The following NRXN3 variants were observed in gnomAD, a reference collection of about 807,000 sequenced individuals.
NRXN3 encodes the protein neurexin III.
In NRXN3, 32 loss-of-function variants were observed where a neutral mutation model predicts 137.6. That is an observed-to-expected ratio of 0.23 (90% CI 0.18 to 0.31). The LOEUF is 0.31. Ranked by LOEUF, NRXN3 falls within the 10% of genes least tolerant of loss-of-function variation. The probability of loss-of-function intolerance (pLI) is 1.00; values close to 1 mark genes in which losing one functional copy is unlikely to be tolerated. For synonymous variants in NRXN3, 798 were observed against 784.5 expected, an observed-to-expected ratio of 1.02 and a Z score of -0.29; for missense variants, 1,574 against 2,062.5, an observed-to-expected ratio of 0.76 and a Z score of 4.59.
chr14:79,595,972 C>T (rs116817756), intron 16 of NRXN3, among the ~76,000 whole-genome samples: 61 of 151,608 alleles, frequency 4.0e-4, no homozygotes, highest in African/African-American at 1.4e-3. Flanking sequence ...TAAAGACAGC[C>T]GGTTTTCCTG....
intron 2 of NRXN3, among the ~76,000 whole-genome samples, chr14:78,256,330 G>C (rs1323758088): frequency 2.0e-5 from 3 of 152,256 alleles, no homozygotes; most frequent in Admixed American, 1.3e-4. Context: ...TGGCAGGAAA[G>C]CCGAAGGAAT....
chr14:78,862,271 A>G (rs2950226), intron 10 of NRXN3, among the ~76,000 whole-genome samples: 5,273 of 148,996 alleles, frequency 0.035, 178 homozygotes, highest in South Asian at 0.12. Flanking sequence ...TAGATAGATA[A>G]ATAGATAGAT....
At chr14:78,979,735 G>A (rs1410123348) in intron 14 of NRXN3, among the ~76,000 whole-genome samples, 1 of 152,154 alleles carries the variant, frequency 6.6e-6, no homozygotes, top group African/African-American at 2.4e-5. Flanking sequence ...TGGCTGGGCA[G>A]GCCTCACAAT....
intron 10 of NRXN3, among the ~76,000 whole-genome samples, chr14:78,820,549 C>T (rs2098947890): frequency 6.6e-6 from 1 of 151,186 alleles, no homozygotes; most frequent in South Asian, 2.1e-4. Flanking sequence ...AGACTTTATA[C>T]ATTTCCTTCT....
At chr14:79,665,402 G>A (rs2098553168) in intron 17 of NRXN3, among the ~76,000 whole-genome samples, 1 of 152,130 alleles carries the variant, frequency 6.6e-6, no homozygotes, top group Non-Finnish European at 1.5e-5. Flanking sequence ...GAAAGCCAAA[G>A]CTATTAACAG....
chr14:79,631,026 A>G (rs2098339036), intron 16 of NRXN3, among the ~76,000 whole-genome samples: 1 of 152,160 alleles, frequency 6.6e-6, no homozygotes, highest in African/African-American at 2.4e-5. Context: ...GGAACTAACA[A>G]CCGTTGTGTA....
intron 15 of NRXN3, among the ~76,000 whole-genome samples, chr14:79,134,766 G>T (rs1425725861): frequency 1.3e-5 from 2 of 152,130 alleles, no homozygotes; most frequent in African/African-American, 4.8e-5. Context: ...GTTTCAAGAG[G>T]TTTGTTGTCT....
chr14:79,039,372 A>G (rs1264756663), intron 15 of NRXN3, among the ~76,000 whole-genome samples: 1 of 152,138 alleles, frequency 6.6e-6, no homozygotes, highest in Admixed American at 6.5e-5. Context: ...GATTAATATA[A>G]CAGTTTCCAC....
chr14:79,156,012 C>T (rs1055917092), intron 15 of NRXN3, among the ~76,000 whole-genome samples: 1 of 151,764 alleles, frequency 6.6e-6, no homozygotes, highest in Non-Finnish European at 1.5e-5. Flanking sequence ...TTAAAAATCT[C>T]TCTCTTCCCT....
intron 4 of NRXN3, among the ~76,000 whole-genome samples, chr14:78,451,892 T>C (rs184625813): frequency 6.6e-6 from 1 of 152,336 alleles, no homozygotes; most frequent in East Asian, 1.9e-4. Flanking sequence ...AGTGGACATT[T>C]TTCTCAAAAC....
intron 15 of NRXN3, among the ~76,000 whole-genome samples, chr14:79,022,521 C>A (rs941031379): frequency 3.9e-5 from 6 of 152,158 alleles, no homozygotes; most frequent in African/African-American, 1.4e-4. Flanking sequence ...ATTGGGAACA[C>A]ACACGAAGCC....
intron 16 of NRXN3, among the ~76,000 whole-genome samples, chr14:79,486,502 A>G (rs1182946095): frequency 3.3e-5 from 5 of 152,200 alleles, no homozygotes; most frequent in Non-Finnish European, 5.9e-5. Flanking sequence ...CTGTGGTGGG[A>G]AAACCATGGT....
At chr14:78,713,743 G>C (rs1008487430) in intron 7 of NRXN3, among the ~76,000 whole-genome samples, 1 of 152,210 alleles carries the variant, frequency 6.6e-6, no homozygotes, top group Non-Finnish European at 1.5e-5. Context: ...GCAGGAGAGA[G>C]AGAAGTGCAG....
At chr14:78,790,939 C>A (rs1347056191) in intron 8 of NRXN3, among the ~76,000 whole-genome samples, 1 of 152,170 alleles carries the variant, frequency 6.6e-6, no homozygotes, top group African/African-American at 2.4e-5. Flanking sequence ...CATTCACTAG[C>A]AATATCACAT....
intron 15 of NRXN3, among the ~76,000 whole-genome samples, chr14:79,111,525 G>C (rs1010204076): frequency 6.6e-6 from 1 of 152,088 alleles, no homozygotes; most frequent in Admixed American, 6.5e-5. Context: ...GATCACCTGA[G>C]GTCAGGAGTT....
At chr14:79,338,752 C>G (rs1480588951) in intron 15 of NRXN3, among the ~76,000 whole-genome samples, 1 of 152,184 alleles carries the variant, frequency 6.6e-6, no homozygotes, top group Non-Finnish European at 1.5e-5. Context: ...TTAAATCTTT[C>G]ATTTTCAAGT....
At chr14:79,603,245 C>G (rs1407529723) in intron 16 of NRXN3, among the ~76,000 whole-genome samples, 1 of 151,420 alleles carries the variant, frequency 6.6e-6, no homozygotes, top group Non-Finnish European at 1.5e-5. Flanking sequence ...ATTCCATTGG[C>G]CAGAGGGAAA....
intron 10 of NRXN3, among the ~76,000 whole-genome samples, chr14:78,949,952 A>G (rs1160256443): frequency 1.3e-5 from 2 of 152,206 alleles, no homozygotes; most frequent in East Asian, 1.9e-4. Context: ...GTCTTATGGC[A>G]TATCCTCGTT....
chr14:79,704,545 C>CG (rs943853946), intron 19 of NRXN3, among the ~76,000 whole-genome samples: 35 of 152,192 alleles, frequency 2.3e-4, no homozygotes, highest in African/African-American at 8.2e-4. Context: ...ACAGAGCCTC[C>CG]GGGGGAAGTT....
Sources: allele counts gnomAD v4.1 joint callset (sites outside exome capture counted in the v4.1 genomes callset), GRCh38; gene constraint gnomAD v4.1.1; transcripts MANE v1.5; gene names NCBI Gene and HGNC (gene_info 2026-07-23, HGNC 2026-07-21).